The following PSMA4 variants were observed in gnomAD, a reference collection of about 807,000 sequenced individuals.
PSMA4 encodes proteasome 20S subunit alpha 4.
A neutral mutation model predicts 37.2 loss-of-function variants in PSMA4; 8 were observed. The observed-to-expected ratio is 0.22, with a 90% CI of 0.13 to 0.39. The LOEUF (loss-of-function observed/expected upper bound fraction) is 0.39, where lower values mean the gene tolerates loss of function less well. Among genes scored for constraint, PSMA4 ranks in the 10% least tolerant of loss-of-function variants. The probability of loss-of-function intolerance (pLI) is 1.00; values close to 1 mark genes in which losing one functional copy is unlikely to be tolerated. For synonymous variants in PSMA4, 93 were observed against 98.8 expected, an observed-to-expected ratio of 0.94 and a Z score of 0.35; for missense variants, 169 against 305.1, an observed-to-expected ratio of 0.55 and a Z score of 3.32.
chr15:78,541,648 C>T (rs899102465), intron 1 of PSMA4: 1 of 453,742 alleles, frequency 2.2e-6, no homozygotes, highest in Non-Finnish European at 3.9e-6. Context: ...TTTCTTGATT[C>T]TTTCATCATC....
chr15:78,550,430 GC>G lies in PSMA4; in HGVS notation c.*1488del, dbSNP rs2078176124. The G allele has an allele frequency of 6.6e-6, 1 of 152,174 alleles. No homozygotes were observed. The highest frequency in any genetic ancestry group is 1.5e-5 in the Non-Finnish European group (1 of 68,106). 9.4% of individuals were successfully genotyped at this position (152,174 alleles called of 1,614,324 possible). ...CACTGCAGGCTCAAACGGTCTTCCT[GC>G]CTTGACCTCCCAAAGTGTTGACATC... On this transcript the variant is annotated 3_prime_UTR_variant, in exon 9 of 9. Coordinates refer to ENST00000044462, the MANE Select transcript of PSMA4 (RefSeq NM_002789.6).
At chr15:78,546,368 G>A (rs781260931) in intron 7 of PSMA4, among the ~76,000 whole-genome samples, 4 of 151,654 alleles carry the variant, frequency 2.6e-5, no homozygotes, top group Non-Finnish European at 4.4e-5. Context: ...GAGCACCTGA[G>A]CCTGGGGAGA....
At chr15:78,543,062 T>C (rs922636237) in intron 4 of PSMA4, among the ~76,000 whole-genome samples, 5 of 152,220 alleles carry the variant, frequency 3.3e-5, no homozygotes, top group African/African-American at 1.2e-4. Flanking sequence ...TTGTTTAGAA[T>C]AGCTACGCAG....
At chr15:78,541,720 C>G in intron 1 of PSMA4, 185 bp from the exon 2 acceptor site, 1 of 587,756 alleles carries the variant, frequency 1.7e-6, no homozygotes, top group East Asian at 3.1e-5. Flanking sequence ...GCCTCTCTCA[C>G]CTAACTGCCA....
rs80221901 is a variant in PSMA4 at position 78,544,520 on chromosome 15, C to T, written c.287+253C>T. On this transcript the variant is annotated intron_variant, in intron 5 of 8. Transcript: ENST00000044462. ...TTCACTGTGTTAGCCAGGATGGTCT[C>T]GATTTCCTGACCTCGTGATCCGCCT... The T allele has an allele frequency of 2.7e-5, 12 of 448,304 alleles. 1 individual carries two copies. The South Asian group carries it at 3.0e-4, about 11-fold the overall frequency. 27.8% of individuals were successfully genotyped at this position (448,304 alleles called of 1,614,324 possible). A position where few individuals can be genotyped will look rare whatever the true frequency, so the allele number is the denominator to read the frequency against.
rs1193459714 is a variant in PSMA4 at position 78,545,780 on chromosome 15, G to A, written c.507+16G>A. On this transcript the variant is annotated intron_variant, in intron 7 of 8. Coordinates refer to ENST00000044462, the MANE Select transcript of PSMA4 (RefSeq NM_002789.6). Reference sequence around the variant, plus strand: ...TAATAGCGCTGTGAGTATTTTTGTTGTGCTATAAAATCTAGCAGAATGTCT... The same window carrying A: ...TAATAGCGCTGTGAGTATTTTTGTTATGCTATAAAATCTAGCAGAATGTCT... 6.2e-6 allele frequency: 10 copies of A among 1,612,556 alleles called. No individual in the cohort carries two copies. In the Admixed American group the frequency reaches 1.7e-4, roughly 27 times the overall value.
chr15:78,541,866 G>C, intron 1 of PSMA4, 39 bp from the exon 2 acceptor site: 1 of 1,483,202 alleles, frequency 6.7e-7, no homozygotes. Flanking sequence ...TTTAATTTGT[G>C]AATCTTATTT....
rs1439797938 is a variant in PSMA4, at chr15:78,552,267, A to G, written c.*3323A>G. 6.6e-6 allele frequency: 1 copy of G among 152,226 alleles called. No individual in the cohort carries two copies. The highest frequency in any genetic ancestry group is 1.5e-5 in the Non-Finnish European group (1 of 68,048). The allele number at this position is 152,226 out of a possible 1,614,324, so 9.4% of individuals were successfully genotyped here. The stretch of plus-strand genomic sequence containing the variant: ...ACTCATGGGTTTTCACAGGGACCCT[A>G]CCAGCTCAGAAGCACGTTGATATAA... On this transcript the variant is annotated 3_prime_UTR_variant, in exon 9 of 9. Transcript: ENST00000044462.
At position 78,551,675 on chromosome 15, in the gene PSMA4, A is replaced by G. The variant is rs2052645910; in HGVS notation, c.*2731A>G. ...ATTCAATAGTCGTGTCTCGGTACCTAGAACAGAAACTGGCACGTGTTAGGC... is the reference window on the plus strand; with the variant it reads ...ATTCAATAGTCGTGTCTCGGTACCTGGAACAGAAACTGGCACGTGTTAGGC... On this transcript the variant is annotated 3_prime_UTR_variant, in exon 9 of 9. Transcript: ENST00000044462. The G allele has an allele frequency of 6.6e-6, 1 of 152,066 alleles. No homozygotes were observed. Among genetic ancestry groups the G allele is most frequent in the Non-Finnish European group, 1.5e-5 (1 of 68,018 alleles). The allele number at this position is 152,066 out of a possible 1,614,324, so 9.4% of individuals were successfully genotyped here.
At chr15:78,541,790 TA>T in intron 1 of PSMA4, 114 bp from the exon 2 acceptor site, 1 of 874,662 alleles carries the variant, frequency 1.1e-6, no homozygotes, top group Non-Finnish European at 1.8e-6. Flanking sequence ...GCATCTAGCA[TA>T]ATGCCTGACA....
intron 1 of PSMA4, chr15:78,540,997 T>TA (rs1461241690): frequency 2.6e-5 from 4 of 152,324 alleles, no homozygotes; most frequent in Non-Finnish European, 5.9e-5. Context: ...GTGCCATCCT[T>TA]ACTTTGCACC....
chr15:78,541,591 C>G (rs1257137619), intron 1 of PSMA4: 1 of 344,792 alleles, frequency 2.9e-6, no homozygotes, highest in African/African-American at 2.2e-5. Flanking sequence ...CTGCCTCTCC[C>G]ATCTCTGATT....
chr15:78,542,442 A>G lies in PSMA4; in HGVS notation c.47-41A>G, dbSNP rs1384765439. 2.5e-6 allele frequency: 4 copies of G among 1,594,490 alleles called. No homozygotes were observed. In the Admixed American group the frequency reaches 5.4e-5, roughly 21 times the overall value. ...TCTTTTGGGCCAGTGGTGCAGGAGC[A>G]CAGAGGAGAGTCTTGGCTTCTCACT... On this transcript the variant is annotated intron_variant, in intron 3 of 8. Transcript: ENST00000044462.
chr15:78,548,826 C>G lies in PSMA4; in HGVS notation c.668C>G (p.Thr223Arg). 9 of 1,610,900 alleles carry G rather than the reference C, an allele frequency of 5.6e-6. No homozygotes were observed. Among genetic ancestry groups the G allele is most frequent in the African/African-American group, 1.3e-5 (1 of 74,804 alleles). Reference protein sequence around the residue: ...IATLTRENGKTVIRVLKQKEV... With the variant: ...IATLTRENGKRVIRVLKQKEV... ...ACACTAACAAGAGAGAATGGAAAGA[C>G]AGTAATCAGAGTTCTCAAACAAAAA... The change falls in exon 9 of 9, where the codon ACA becomes AGA. Residue 223 changes from threonine to arginine, a missense_variant. Around this residue, in one of 2 missense-constraint regions of PSMA4, gnomAD observed 90 missense variants for 92.7 expected, o/e 0.97. Coordinates refer to ENST00000044462, the MANE Select transcript of PSMA4 (RefSeq NM_002789.6).
chr15:78,542,737 G>A, intron 4 of PSMA4, 92 bp downstream of exon 4: 1 of 1,229,648 alleles, frequency 8.1e-7, no homozygotes, highest in East Asian at 2.4e-5. Context: ...TCCGTGCGAT[G>A]TGGTAGAATT....
intron 3 of PSMA4, 98 bp from the exon 4 acceptor site, chr15:78,542,384 GA>G: frequency 6.8e-7 from 1 of 1,462,308 alleles, no homozygotes; most frequent in South Asian, 1.3e-5. Context: ...AGTGAAAGTG[GA>G]AATTTGTTTC....
chr15:78,545,071 A>T, intron 6 of PSMA4, 114 bp downstream of exon 6: 1 of 623,002 alleles, frequency 1.6e-6, no homozygotes, highest in Non-Finnish European at 2.7e-6. Context: ...ATTAAATTTA[A>T]TTTTTTTAAT....
intron 2 of PSMA4, 52 bp downstream of exon 2, chr15:78,541,982 G>A: frequency 6.4e-7 from 1 of 1,574,540 alleles, no homozygotes; most frequent in Non-Finnish European, 8.7e-7. Flanking sequence ...AGTATTGCTT[G>A]TACTCAGTTT....
chr15:78,548,126 G>A (rs1596046599), intron 8 of PSMA4, among the ~76,000 whole-genome samples: 1 of 152,042 alleles, frequency 6.6e-6, no homozygotes, highest in East Asian at 1.9e-4. Flanking sequence ...TGCTACTCAG[G>A]AGGCTGAAAC....
Sources: allele counts gnomAD v4.1 joint callset (sites outside exome capture counted in the v4.1 genomes callset), GRCh38; gene constraint gnomAD v4.1.1; regional missense constraint gnomAD v4.1.1; transcripts MANE v1.5; gene names NCBI Gene and HGNC (gene_info 2026-07-23, HGNC 2026-07-21).